The following TNS1 variants were observed in gnomAD, a reference collection of about 807,000 sequenced individuals.
The protein encoded by TNS1 is tensin-1.
Under a neutral mutation model 168.6 loss-of-function variants are expected in TNS1, and 62 were observed. The observed-to-expected ratio is 0.37, with a 90% CI of 0.30 to 0.45. The LOEUF is 0.45. Ranked by LOEUF, TNS1 falls within the 20% of genes least tolerant of loss-of-function variation. The pLI, the probability that TNS1 is intolerant of heterozygous loss-of-function variation, is 1.00. For synonymous variants in TNS1, 934 were observed against 933.2 expected, an observed-to-expected ratio of 1.00 and a Z score of -0.02; for missense variants, 2,240 against 2,339.4, an observed-to-expected ratio of 0.96 and a Z score of 0.88.
chr2:218,005,631 C>T (rs910655099), upstream of TNS1, among the ~76,000 whole-genome samples: 2 of 152,232 alleles, frequency 1.3e-5, no homozygotes, highest in Non-Finnish European at 2.9e-5. Flanking sequence ...AACCCACACA[C>T]GGGCAAGGAC....
chr2:217,928,861 G>A (rs562816640), intron 3 of TNS1, among the ~76,000 whole-genome samples: 24 of 152,170 alleles, frequency 1.6e-4, no homozygotes, highest in African/African-American at 5.1e-4. Context: ...TCCCTGTCCT[G>A]CAAGCCACTC....
intron 19 of TNS1, chr2:217,841,312 C>T: frequency 1.0e-6 from 1 of 983,120 alleles, no homozygotes; most frequent in Non-Finnish European, 1.2e-6. Flanking sequence ...CCAGGGGAGC[C>T]AGCAGGGAGT....
chr2:217,918,329 C>T (rs1016127334), intron 4 of TNS1, among the ~76,000 whole-genome samples: 5 of 152,160 alleles, frequency 3.3e-5, no homozygotes, highest in African/African-American at 1.2e-4. Context: ...TGGTCTAACT[C>T]CCTCGCTCTT....
At chr2:217,837,433 C>T (rs1001729575) in intron 19 of TNS1, among the ~76,000 whole-genome samples, 2 of 152,216 alleles carry the variant, frequency 1.3e-5, no homozygotes, top group Non-Finnish European at 2.9e-5. Context: ...AGCAGGCTGC[C>T]GGCTGCCAAG....
In TNS1 at chr2:217,804,253, T is replaced by G; in HGVS notation, c.*206A>C. Reference sequence around the variant, plus strand: ...GGGGAATCCAAGTTCTTCTCCTCCATCTTTCTCTCTCTCTCTCTCTCTCTC... The same window carrying G: ...GGGGAATCCAAGTTCTTCTCCTCCAGCTTTCTCTCTCTCTCTCTCTCTCTC... On this transcript the variant is annotated 3_prime_UTR_variant, in exon 33 of 33. Transcript: ENST00000682258. 5 of 604,464 alleles carry G rather than the reference T, an allele frequency of 8.3e-6. No individual in the cohort carries two copies. Among genetic ancestry groups the G allele is most frequent in the East Asian group, 3.0e-5 (1 of 32,824 alleles). The allele number at this position is 604,464 out of a possible 1,614,324, so 37.4% of individuals were successfully genotyped here.
chr2:217,993,576 G>A (rs1446355879), intron 1 of TNS1, among the ~76,000 whole-genome samples: 9 of 152,182 alleles, frequency 5.9e-5, no homozygotes, highest in Admixed American at 1.3e-4. Flanking sequence ...TGGAATCTCC[G>A]AAAGTGACAA....
chr2:217,993,036 C>A (rs1272925154), intron 1 of TNS1, among the ~76,000 whole-genome samples: 1 of 152,186 alleles, frequency 6.6e-6, no homozygotes, highest in South Asian at 2.1e-4. Context: ...CAAATACTTA[C>A]CACCTGTTAC....
At chr2:217,909,410 C>G (rs1442922914) in intron 4 of TNS1, among the ~76,000 whole-genome samples, 1 of 152,180 alleles carries the variant, frequency 6.6e-6, no homozygotes, top group Non-Finnish European at 1.5e-5. Context: ...GATGCTACAC[C>G]TGCCCCAGGC....
intron 10 of TNS1, 128 bp from the exon 11 acceptor site, chr2:217,893,140 A>G: frequency 8.3e-7 from 1 of 1,208,694 alleles, no homozygotes; most frequent in Admixed American, 2.2e-5. Flanking sequence ...GGGAGAACAT[A>G]AGGAGGAAGG....
intron 18 of TNS1, among the ~76,000 whole-genome samples, chr2:217,877,318 G>A (rs967387055): frequency 6.6e-6 from 1 of 152,204 alleles, no homozygotes; most frequent in Admixed American, 6.5e-5. Context: ...TATGGGTATG[G>A]GTTCCGGGGT....
intron 19 of TNS1, among the ~76,000 whole-genome samples, chr2:217,837,434 G>A (rs572035833): frequency 3.2e-4 from 49 of 152,296 alleles, no homozygotes; most frequent in Middle Eastern, 3.4e-3. Flanking sequence ...GCAGGCTGCC[G>A]GCTGCCAAGC....
intron 16 of TNS1, among the ~76,000 whole-genome samples, chr2:217,884,189 G>A (rs1950967558): frequency 6.6e-6 from 1 of 150,638 alleles, no homozygotes; most frequent in Non-Finnish European, 1.5e-5. Context: ...ATGGATGGGT[G>A]GGCAGATGAA....
Position 217,885,961 on chromosome 2 carries a change from C to T in TNS1, c.1040+83G>A. 3.2e-6 allele frequency: 5 copies of T among 1,571,596 alleles called. 1 individual carries two copies. In the South Asian group the frequency reaches 3.4e-5, roughly 11 times the overall value. Reference sequence around the variant, plus strand: ...TCCTTTCAGCCCTCTTGAGAATATTCTCTCCTCTCCCCAACCTTCTGACCT... The same window carrying T: ...TCCTTTCAGCCCTCTTGAGAATATTTTCTCCTCTCCCCAACCTTCTGACCT... On this transcript the variant is annotated intron_variant, in intron 14 of 32. Coordinates refer to ENST00000682258, the MANE Select transcript of TNS1 (RefSeq NM_001387777.1).
chr2:217,918,216 C>T (rs1161314133), intron 4 of TNS1, among the ~76,000 whole-genome samples: 2 of 152,176 alleles, frequency 1.3e-5, no homozygotes, highest in Admixed American at 6.5e-5. Context: ...GCATAGGTAC[C>T]GTCACTAACG....
chr2:217,933,903 G>A (rs1358556671), intron 3 of TNS1, among the ~76,000 whole-genome samples: 1 of 152,238 alleles, frequency 6.6e-6, no homozygotes, highest in Non-Finnish European at 1.5e-5. Context: ...GGAAGCACAG[G>A]TAGCTGGAAT....
At chr2:217,831,599 G>A (rs763974749) in intron 21 of TNS1, 52 bp from the exon 22 acceptor site, 68 of 1,387,268 alleles carry the variant, frequency 4.9e-5, no homozygotes, top group Non-Finnish European at 5.9e-5. Context: ...GGGCAGGAGG[G>A]CAGACACGCC....
intron 15 of TNS1, 50 bp downstream of exon 15, chr2:217,885,694 G>A (rs1225527198): frequency 5.1e-6 from 8 of 1,570,374 alleles, no homozygotes; most frequent in Non-Finnish European, 7.0e-6. Flanking sequence ...AAGAAAAGAA[G>A]GGAGAGAAAA....
At chr2:217,906,464 C>T (rs766816928) in intron 5 of TNS1, 79 bp from the exon 6 acceptor site, 35 of 696,992 alleles carry the variant, frequency 5.0e-5, no homozygotes, top group African/African-American at 3.5e-4. Flanking sequence ...TTGTCAGGAG[C>T]GGCAGATGAG....
intron 1 of TNS1, among the ~76,000 whole-genome samples, chr2:218,028,799 G>A (rs1958869970): frequency 6.6e-6 from 1 of 152,226 alleles, no homozygotes; most frequent in Admixed American, 6.5e-5. Flanking sequence ...TTAAAAATCA[G>A]AGCTGGGACA....
Sources: gnomAD v4.1 joint callset for allele counts (sites outside exome capture counted in the v4.1 genomes callset) on GRCh38, gnomAD v4.1.1 for gene constraint, MANE v1.5 for transcripts, NCBI Gene and HGNC (gene_info 2026-07-23, HGNC 2026-07-21) for gene names.